Variants in PSD3 observed in about 807,000 individuals in gnomAD.
PSD3 encodes the protein PH and SEC7 domain-containing protein 3.
Under a neutral mutation model 105.5 loss-of-function variants are expected in PSD3, and 49 were observed. The observed-to-expected ratio is 0.46, with a 90% confidence interval of 0.37 to 0.59. The LOEUF is 0.59. Among genes scored for constraint, PSD3 ranks in the 20% least tolerant of loss-of-function variants. The probability of loss-of-function intolerance (pLI) is 0.00; values close to 1 mark genes in which losing one functional copy is unlikely to be tolerated. For synonymous variants in PSD3, 557 were observed against 457.8 expected (o/e 1.22, Z -2.77); for missense variants, 1,561 against 1,263.8 (o/e 1.24, Z -3.57).
Position 18,528,051 on chromosome 8 carries a change from AG to A in PSD3, c.*7691del, listed in dbSNP as rs1799493647. ...ATTATAATAGGCTGGAAAAGTTAAA[AG>A]CTTCTTTTATATTAAAAGATACAAA... is the stretch of plus-strand genomic sequence containing the variant. On this transcript the variant is annotated 3_prime_UTR_variant, in exon 16 of 16. Transcript: ENST00000327040. 2 of 152,232 alleles carry A rather than the reference AG, an allele frequency of 1.3e-5. No homozygotes were observed. Among genetic ancestry groups the A allele is most frequent in the Admixed American group, 6.5e-5 (1 of 15,288 alleles). 9.4% of individuals were successfully genotyped at this position (152,232 alleles called of 1,614,324 possible).
At chr8:18,968,873 T>A (rs935715195) in intron 1 of PSD3, among the ~76,000 whole-genome samples, 279 of 12,398 alleles carry the variant, frequency 0.023, no homozygotes, top group Admixed American at 0.032. Context: ...AAAAAAAAAA[T>A]GTCTCCAAAA....
chr8:18,739,706 G>A (rs186709996), intron 9 of PSD3, among the ~76,000 whole-genome samples: 1 of 152,028 alleles, frequency 6.6e-6, no homozygotes. Flanking sequence ...GTATATATTT[G>A]AGGATACAAA....
At chr8:18,828,182 A>C (rs1813386984) in intron 4 of PSD3, among the ~76,000 whole-genome samples, 2 of 151,292 alleles carry the variant, frequency 1.3e-5, no homozygotes, top group African/African-American at 4.9e-5. Flanking sequence ...GGCTCATGGT[A>C]ATTTCCATGT....
intron 1 of PSD3, among the ~76,000 whole-genome samples, chr8:19,056,885 G>C (rs562431409): frequency 3.9e-5 from 6 of 152,294 alleles, no homozygotes; most frequent in African/African-American, 1.4e-4. Context: ...AGCTTGTTCT[G>C]CTCTAAAAAT....
rs10086560 is a variant in PSD3 at position 18,572,968 on chromosome 8, C to A, written c.2640-296G>T. ...CCCCTACTTTCTGTTTGATACGAGG[C>A]TAGGCCAAAAATAAATTATAAAATT... On this transcript the variant is annotated intron_variant, in intron 13 of 15. Coordinates refer to ENST00000327040, the MANE Select transcript of PSD3 (RefSeq NM_015310.4). 2.9e-3 allele frequency among the ~76,000 whole-genome samples: 437 copies of A among 152,184 alleles called. 4 individuals are homozygous for A. Among genetic ancestry groups the A allele is most frequent in the African/African-American group, 9.8e-3 (408 of 41,524 alleles).
chr8:18,929,253 A>C (rs1015284542), intron 2 of PSD3, among the ~76,000 whole-genome samples: 3 of 40,232 alleles, frequency 7.5e-5, no homozygotes, highest in African/African-American at 3.4e-4. Context: ...CAACAGTGCT[A>C]AAAAAAAAAA....
At chr8:18,578,272 T>C (rs761333602) in intron 12 of PSD3, among the ~76,000 whole-genome samples, 14 of 152,130 alleles carry the variant, frequency 9.2e-5, no homozygotes, top group South Asian at 2.1e-4. Flanking sequence ...TTCTCCCTTA[T>C]GTAACCATTC....
chr8:18,755,628 C>T (rs1805973280), intron 9 of PSD3, among the ~76,000 whole-genome samples: 1 of 152,078 alleles, frequency 6.6e-6, no homozygotes, highest in African/African-American at 2.4e-5. Flanking sequence ...TTACAGTACC[C>T]TTAATGATTA....
chr8:18,822,589 C>T (rs960690518), intron 4 of PSD3, among the ~76,000 whole-genome samples: 1 of 152,192 alleles, frequency 6.6e-6, no homozygotes, highest in African/African-American at 2.4e-5. Flanking sequence ...GCCAATATCT[C>T]CCTAGCGACA....
chr8:18,777,719 C>T (rs576665374), intron 8 of PSD3, among the ~76,000 whole-genome samples: 54 of 152,286 alleles, frequency 3.5e-4, no homozygotes, highest in African/African-American at 1.3e-3. Flanking sequence ...CAATTATAAA[C>T]TATATTCATC....
intron 9 of PSD3, among the ~76,000 whole-genome samples, chr8:18,716,760 A>C (rs890022568): frequency 6.6e-6 from 1 of 152,238 alleles, no homozygotes; most frequent in African/African-American, 2.4e-5. Flanking sequence ...ATTTACATCA[A>C]TAGCTTAAAA....
chr8:18,990,939 G>T (rs552455334), intron 1 of PSD3, among the ~76,000 whole-genome samples: 1 of 152,218 alleles, frequency 6.6e-6, no homozygotes, highest in South Asian at 2.1e-4. Flanking sequence ...TCCAAAGACA[G>T]TTAAAAGGAC....
chr8:18,555,662 G>A (rs999651371), intron 15 of PSD3, among the ~76,000 whole-genome samples: 1 of 152,152 alleles, frequency 6.6e-6, no homozygotes, highest in African/African-American at 2.4e-5. Context: ...ATAGCATATG[G>A]ATCCTCACCA....
intron 8 of PSD3, among the ~76,000 whole-genome samples, chr8:18,782,764 C>A (rs775428893): frequency 3.3e-5 from 5 of 152,128 alleles, no homozygotes; most frequent in Non-Finnish European, 5.9e-5. Context: ...TAACTTGGGG[C>A]CCCAAGCTAC....
At chr8:19,030,317 C>T (rs925864574) in intron 1 of PSD3, among the ~76,000 whole-genome samples, 1 of 151,932 alleles carries the variant, frequency 6.6e-6, no homozygotes, top group Non-Finnish European at 1.5e-5. Context: ...TGAGATAAAC[C>T]CTATTTGATC....
intron 4 of PSD3, among the ~76,000 whole-genome samples, chr8:18,863,988 C>T (rs539684560): frequency 3.9e-4 from 59 of 151,882 alleles, no homozygotes; most frequent in Non-Finnish European, 3.2e-4. Flanking sequence ...GCAATTCAGC[C>T]GAGAACAGTG....
chr8:18,915,658 CA>C (rs778124948), intron 2 of PSD3, among the ~76,000 whole-genome samples: 30 of 152,144 alleles, frequency 2.0e-4, no homozygotes, highest in Non-Finnish European at 3.8e-4. Context: ...CCAGAAAAAG[CA>C]AATGAAAACC....
Position 18,867,762 on chromosome 8 carries a change from C to T in PSD3, c.1546G>A (p.Gly516Ser). 6.2e-7 allele frequency: 1 copy of T among 1,614,052 alleles called. No individual in the cohort carries two copies. Among genetic ancestry groups the T allele is most frequent in the Non-Finnish European group, 8.5e-7 (1 of 1,180,000 alleles). ...CCATTGGTGACGCCACTAGAATAGC[C>T]CATCACGATGCCACCATCTGCAGAC... ...SVSADGGIVM[G>S]YSSGVTNGLN... The change falls in exon 4 of 16, where the codon GGC becomes AGC. Residue 516 changes from glycine (G) to serine (S), a missense_variant. By Grantham distance (56) the Gly-to-Ser change is moderately conservative. Coordinates refer to ENST00000327040, the MANE Select transcript of PSD3 (RefSeq NM_015310.4).
chr8:18,869,874 G>A (rs760016275), intron 3 of PSD3, among the ~76,000 whole-genome samples: 1 of 152,310 alleles, frequency 6.6e-6, no homozygotes, highest in Admixed American at 6.5e-5. Flanking sequence ...CATGAGGACA[G>A]TATCCGTGAG....
Sources: allele counts gnomAD v4.1 joint callset (sites outside exome capture counted in the v4.1 genomes callset), GRCh38; gene constraint gnomAD v4.1.1; transcripts MANE v1.5; gene names NCBI Gene and HGNC (gene_info 2026-07-23, HGNC 2026-07-21).